ATM: variants seen among roughly 807,000 people sequenced by gnomAD.
ATM encodes the protein ATM serine/threonine kinase, also known as serine-protein kinase ATM.
In ATM, 308 loss-of-function variants were observed where a neutral mutation model predicts 387.0. That is an observed-to-expected ratio of 0.80 (90% CI 0.73 to 0.87). The LOEUF (loss-of-function observed/expected upper bound fraction) is 0.87, where lower values mean the gene tolerates loss of function less well. Among genes scored for constraint, ATM ranks in the 40% least tolerant of loss-of-function variants. The pLI is 0.00. For missense variants in ATM, 3,312 were observed against 3,560.9 expected (o/e 0.93, Z 1.78); for synonymous variants, 1,156 against 1,187.3 (o/e 0.97, Z 0.54).
At chr11:108,325,960 C>T (rs2085633669) in intron 46 of ATM, 98 bp from the exon 47 acceptor site, 1 of 1,443,098 alleles carries the variant, frequency 6.9e-7, no homozygotes, top group African/African-American at 1.4e-5. Context: ...TAGTTAAGTC[C>T]TCAATGAATG....
At chr11:108,350,842 G>C (rs991613044) in intron 59 of ATM, among the ~76,000 whole-genome samples, 2 of 151,946 alleles carry the variant, frequency 1.3e-5, no homozygotes, top group African/African-American at 2.4e-5. Context: ...TAAATGAGAA[G>C]GGTAAATTGG....
At chr11:108,260,477 C>A (rs534491134) in intron 16 of ATM, among the ~76,000 whole-genome samples, 1 of 152,278 alleles carries the variant, frequency 6.6e-6, no homozygotes, top group East Asian at 1.9e-4. Context: ...TAGCAGTAGA[C>A]TTGCTTGTTC....
At chr11:108,271,029 G>A (rs1472713476) in intron 18 of ATM, 35 bp from the exon 19 acceptor site, 1 of 1,562,292 alleles carries the variant, frequency 6.4e-7, no homozygotes, top group South Asian at 1.1e-5. Context: ...ATGATTTGTG[G>A]ATAAACCTGA....
At position 108,289,583 on chromosome 11, in the gene ATM, A is replaced by G. The variant is rs753311330; in HGVS notation, c.4237-19A>G. 3 of 1,586,114 alleles carry G rather than the reference A, an allele frequency of 1.9e-6. No individual in the cohort carries two copies. Among genetic ancestry groups the G allele is most frequent in the Non-Finnish European group, 1.7e-6 (2 of 1,164,526 alleles). On this transcript the variant is annotated intron_variant, in intron 28 of 62. Transcript: ENST00000675843. ...GTATCTAATTAAACAAGTTTTTACT[A>G]AATCTGTTTATTTTCTAGGATTCCT...
intron 22 of ATM, among the ~76,000 whole-genome samples, chr11:108,276,958 T>C (rs2135612788): frequency 6.6e-6 from 1 of 152,262 alleles, no homozygotes; most frequent in Non-Finnish European, 1.5e-5. Context: ...GCTGAAGCTG[T>C]GCCCACAACC....
Position 108,304,714 on chromosome 11 carries a change from A to G in ATM, c.5536A>G (p.Ile1846Val), listed in dbSNP as rs587779849. The change falls in exon 37 of 63, where the codon ATT (isoleucine) becomes GTT (valine). Residue 1846 changes from isoleucine to valine, a missense_variant. Coordinates refer to ENST00000675843, the MANE Select transcript of ATM (RefSeq NM_000051.4). Reference sequence around the variant, plus strand: ...TTGTCAGACTGTACTTCCATACTTGATTCATGATATTTTACTCCAAGATAC... The same window carrying G: ...TTGTCAGACTGTACTTCCATACTTGGTTCATGATATTTTACTCCAAGATAC... ...DFCQTVLPYL[I>V]HDILLQDTNE... The G allele has an allele frequency of 6.2e-7, 1 of 1,613,928 alleles. No individual in the cohort carries two copies. The highest frequency in any genetic ancestry group is 1.3e-5 in the African/African-American group (1 of 74,916).
chr11:108,297,085 T>A (rs1427723108), intron 32 of ATM: 1 of 562,162 alleles, frequency 1.8e-6, no homozygotes, highest in African/African-American at 1.9e-5. Context: ...TTGTCACATA[T>A]TGCTAATCAC....
At chr11:108,249,744 G>C (rs2080035678) in intron 9 of ATM, among the ~76,000 whole-genome samples, 1 of 152,158 alleles carries the variant, frequency 6.6e-6, no homozygotes, top group African/African-American at 2.4e-5. Flanking sequence ...AGTCAAACTC[G>C]TGATCAGTGC....
At position 108,244,005 on chromosome 11, in the gene ATM, T is replaced by C. The variant is rs1591499967; in HGVS notation, c.549T>C (p.His183=). 1 of 1,612,826 alleles carries C rather than the reference T, an allele frequency of 6.2e-7. No individual in the cohort carries two copies. Among genetic ancestry groups the C allele is most frequent in the Non-Finnish European group, 8.5e-7 (1 of 1,179,310 alleles). The change falls in exon 6 of 63, where the codon CAT becomes CAC. Residue 183 remains histidine (H), a synonymous_variant. Coordinates refer to ENST00000675843, the MANE Select transcript of ATM (RefSeq NM_000051.4). ...RLYLKPSQDV[H]RVLVARIIHA... ...ATCTGAAACCTTCACAAGATGTTCA[T>C]AGAGTTTTAGTGGCTAGAATAATTC...
At position 108,368,469 on chromosome 11, in the gene ATM, G is replaced by T. The variant is rs1387859639; in HGVS notation, c.*2961G>T. The T allele has an allele frequency of 4.7e-6, 1 of 213,194 alleles. No individual in the cohort carries two copies. The highest frequency in any genetic ancestry group is 5.8e-5 in the Admixed American group (1 of 17,112). 13.2% of individuals were successfully genotyped at this position (213,194 alleles called of 1,614,324 possible). ...AGCATTTCTGATCTTTACTTTGCAA[G>T]ATTAGTGATACTATCCCAATACACT... On this transcript the variant is annotated 3_prime_UTR_variant, in exon 63 of 63. Coordinates refer to ENST00000675843, the MANE Select transcript of ATM (RefSeq NM_000051.4).
chr11:108,243,473 C>T (rs2079667528), intron 5 of ATM, among the ~76,000 whole-genome samples: 1 of 151,884 alleles, frequency 6.6e-6, no homozygotes, highest in African/African-American at 2.4e-5. Flanking sequence ...ATTAGCCAGG[C>T]ATGGTTTTGT....
At chr11:108,361,737 C>T (rs227095) in intron 61 of ATM, among the ~76,000 whole-genome samples, 73,745 of 150,718 alleles carry the variant, frequency 0.49, 19,558 homozygotes, top group Middle Eastern at 0.73. Flanking sequence ...GGAAAACTGG[C>T]TAGCCATATG....
chr11:108,353,119 G>A (rs1218606898), intron 59 of ATM, among the ~76,000 whole-genome samples: 1 of 152,074 alleles, frequency 6.6e-6, no homozygotes, highest in Non-Finnish European at 1.5e-5. Context: ...CTTACAACTC[G>A]AAGTGAACAT....
intron 56 of ATM, among the ~76,000 whole-genome samples, chr11:108,342,182 G>A (rs1007666816): frequency 1.3e-5 from 2 of 152,064 alleles, no homozygotes; most frequent in Non-Finnish European, 2.9e-5. Context: ...GTGGCCCAGG[G>A]AATCCAAAAG....
intron 57 of ATM, among the ~76,000 whole-genome samples, chr11:108,344,543 A>G (rs1416687368): frequency 3.3e-5 from 5 of 152,182 alleles, no homozygotes; most frequent in African/African-American, 1.2e-4. Context: ...TCAGACTTGC[A>G]TTTTAGAAAG....
At chr11:108,246,308 T>G (rs2079846299) in intron 7 of ATM, among the ~76,000 whole-genome samples, 1 of 152,202 alleles carries the variant, frequency 6.6e-6, no homozygotes, top group African/African-American at 2.4e-5. Context: ...GGAGGTGATA[T>G]GATATGTTTA....
intron 48 of ATM, 100 bp downstream of exon 48, chr11:108,327,858 T>A (rs185058752): frequency 1.0e-6 from 1 of 981,730 alleles, no homozygotes; most frequent in East Asian, 2.7e-5. Context: ...AAAAGTATGG[T>A]TTTATTTTTC....
intron 29 of ATM, among the ~76,000 whole-genome samples, chr11:108,292,148 T>C (rs953148187): frequency 6.6e-6 from 1 of 152,190 alleles, no homozygotes; most frequent in Non-Finnish European, 1.5e-5. Flanking sequence ...AATAGACATA[T>C]ACAATAGTTT....
At chr11:108,250,313 C>T (rs1023621658) in intron 9 of ATM, among the ~76,000 whole-genome samples, 10 of 152,030 alleles carry the variant, frequency 6.6e-5, no homozygotes, top group African/African-American at 1.4e-4. Flanking sequence ...CCACCATGCC[C>T]GGCTAATTTT....
Sources: allele counts gnomAD v4.1 joint callset (sites outside exome capture counted in the v4.1 genomes callset), GRCh38; gene constraint gnomAD v4.1.1; transcripts MANE v1.5; gene names NCBI Gene and HGNC (gene_info 2026-07-23, HGNC 2026-07-21).